Variants in LRRC61 observed in about 807,000 individuals in gnomAD.
LRRC61 encodes leucine rich repeat containing 61.
A neutral mutation model predicts 15.1 loss-of-function variants in LRRC61; 9 were observed. The observed-to-expected ratio is 0.60, with a 90% confidence interval of 0.36 to 1.04. LRRC61 has a LOEUF of 1.04. Ranked by LOEUF, LRRC61 falls within the 50% of genes least tolerant of loss-of-function variation. The pLI is 0.01. For synonymous variants in LRRC61, 173 were observed against 158.6 expected (o/e 1.09, Z -0.68); for missense variants, 344 against 335.6 (o/e 1.03, Z -0.20).
In LRRC61 at chr7:150,336,962, T is replaced by C; in HGVS notation, c.101T>C (p.Leu34Pro). Residue 34 changes from leucine to proline, a missense_variant, in exon 3 of 3, where the codon CTG (leucine) becomes CCG (proline). Leu to Pro is a moderately conservative substitution (Grantham distance 98, BLOSUM62 -3). Transcript: ENST00000359623. ...RTGEFSLESILLLKLRGLGLA... is the reference protein window; with the variant it reads ...RTGEFSLESIPLLKLRGLGLA... ...GGCGAGTTCTCCCTGGAGTCCATCC[T>C]GCTACTGAAGCTGCGTGGCTTGGGA... 4 of 1,614,022 alleles carry C rather than the reference T, an allele frequency of 2.5e-6. No homozygotes were observed. Among genetic ancestry groups the C allele is most frequent in the Non-Finnish European group, 3.4e-6 (4 of 1,180,044 alleles).
In LRRC61 at chr7:150,336,727, G is replaced by A. The variant is rs907659812; in HGVS notation, c.-135G>A. ...GACTGTCTCTCCTCAGGGACTGGCT[G>A]GCTTCGAGCAGGGCATCGGAACCAG... is the stretch of plus-strand genomic sequence containing the variant. On this transcript the variant is annotated 5_prime_UTR_variant, in exon 3 of 3. Coordinates refer to ENST00000359623, the MANE Select transcript of LRRC61 (RefSeq NM_001142928.2). 4 of 1,203,606 alleles carry A rather than the reference G, an allele frequency of 3.3e-6. No homozygotes were observed. Among genetic ancestry groups the A allele is most frequent in the African/African-American group, 1.5e-5 (1 of 65,590 alleles). 74.6% of individuals were successfully genotyped at this position (1,203,606 alleles called of 1,614,324 possible). A position where few individuals can be genotyped will look rare whatever the true frequency, so the allele number is the denominator to read the frequency against.
chr7:150,319,386 T>A (rs147863703), upstream of LRRC61, among the ~76,000 whole-genome samples: 2,448 of 152,290 alleles, frequency 0.016, 26 homozygotes, highest in Non-Finnish European at 0.027. Flanking sequence ...TTTGTATTTT[T>A]AGTAGAAACG....
At chr7:150,331,189 C>T in intron 2 of LRRC61, 1 of 1,442,746 alleles carries the variant, frequency 6.9e-7, no homozygotes, top group Non-Finnish European at 9.3e-7. Flanking sequence ...AGCCATTGAG[C>T]ATCTCCTCTT....
Position 150,336,726 on chromosome 7 carries a change from T to C in LRRC61, c.-136T>C, listed in dbSNP as rs146315200. On this transcript the variant is annotated 5_prime_UTR_variant, in exon 3 of 3. Transcript: ENST00000359623. The stretch of plus-strand genomic sequence containing the variant: ...TGACTGTCTCTCCTCAGGGACTGGC[T>C]GGCTTCGAGCAGGGCATCGGAACCA... 1 of 1,199,322 alleles carries C rather than the reference T, an allele frequency of 8.3e-7. No homozygotes were observed. Among genetic ancestry groups the C allele is most frequent in the Non-Finnish European group, 1.2e-6 (1 of 862,572 alleles). 74.3% of individuals were successfully genotyped at this position (1,199,322 alleles called of 1,614,324 possible).
chr7:150,320,712 G>A (rs529175239), upstream of LRRC61, among the ~76,000 whole-genome samples: 2 of 152,284 alleles, frequency 1.3e-5, no homozygotes, highest in East Asian at 1.9e-4. Flanking sequence ...GCAGTGAGCC[G>A]AGATGGTGGC....
rs1798331721 is a variant in LRRC61, at chr7:150,337,196, CG to C, written c.338del (p.Gly113AlafsTer45). On this transcript the variant is annotated frameshift_variant, in exon 3 of 3. Transcript: ENST00000359623. LOFTEE classifies it high-confidence loss of function. ...LNAAGNLLAT[P>X]GQLQCLAGLP... Reference sequence around the variant, plus strand: ...GCCGCAGGCAACCTACTGGCCACCCCGGGCCAGCTGCAGTGTCTGGCTGGGC... The same window carrying C: ...GCCGCAGGCAACCTACTGGCCACCCCGGCCAGCTGCAGTGTCTGGCTGGGC... 6.2e-7 allele frequency: 1 copy of C among 1,606,802 alleles called. No individual in the cohort carries two copies. The highest frequency in any genetic ancestry group is 1.7e-5 in the Admixed American group (1 of 60,008).
the LRRC61 span, among the ~76,000 whole-genome samples, chr7:150,309,545 C>G: frequency 6.6e-6 from 1 of 152,168 alleles, no homozygotes; most frequent in Admixed American, 6.5e-5. Flanking sequence ...CCCAGCCATG[C>G]CTTCAGCACA....
chr7:150,321,664 C>G (rs919815855), upstream of LRRC61, among the ~76,000 whole-genome samples: 1 of 152,152 alleles, frequency 6.6e-6, no homozygotes, highest in Non-Finnish European at 1.5e-5. Flanking sequence ...CGCTTGAACT[C>G]AGGAGGTGGA....
chr7:150,333,926 A>G lies in LRRC61; in HGVS notation c.-144-2792A>G. On this transcript the variant is annotated intron_variant, in intron 2 of 2. Coordinates refer to ENST00000359623, the MANE Select transcript of LRRC61 (RefSeq NM_001142928.2). The surrounding 1 kb of genome is among the most constrained non-coding windows in gnomAD (Gnocchi z 4.3). ...GAGGTCACTGACCCCCAAGAGAATG[A>G]GGGTTATGCACGACCCATCACCAAG... The G allele has an allele frequency of 1.0e-6, 1 of 985,038 alleles. No individual in the cohort carries two copies. The highest frequency in any genetic ancestry group is 1.7e-5 in the African/African-American group (1 of 57,182). The allele number at this position is 985,038 out of a possible 1,614,324, so 61.0% of individuals were successfully genotyped here. A position where few individuals can be genotyped will look rare whatever the true frequency, so the allele number is the denominator to read the frequency against.
At chr7:150,336,645 G>A in intron 2 of LRRC61, 73 bp from the exon 3 acceptor site, 1 of 620,034 alleles carries the variant, frequency 1.6e-6, no homozygotes, top group Non-Finnish European at 2.8e-6. Context: ...TAAAAGCAGG[G>A]TCAGACTCCC....
chr7:150,331,328 C>G (rs1248707267), intron 2 of LRRC61: 1 of 532,832 alleles, frequency 1.9e-6, no homozygotes, highest in African/African-American at 1.9e-5. Context: ...ATGGCAGGTG[C>G]CGGTGCTCAC....
At chr7:150,314,274 A>C in the LRRC61 span, among the ~76,000 whole-genome samples, 1 of 152,196 alleles carries the variant, frequency 6.6e-6, no homozygotes, top group African/African-American at 2.4e-5. Flanking sequence ...CCTGGATTTA[A>C]CCTAGAAGCT....
In LRRC61 at chr7:150,337,472, A is replaced by G; in HGVS notation, c.611A>G (p.Tyr204Cys). 6.2e-7 allele frequency: 1 copy of G among 1,603,394 alleles called. No homozygotes were observed. Among genetic ancestry groups the G allele is most frequent in the Non-Finnish European group, 8.5e-7 (1 of 1,179,592 alleles). ...GCCCAGCCCTGGGTGGAGCCAGGCT[A>G]CTGGGAGTCCTGGCCCAGCCGGAGC... ...TEAQPWVEPG[Y>C]WESWPSRSSS... The change falls in exon 3 of 3, where the codon TAC (tyrosine) becomes TGC (cysteine). Residue 204 changes from tyrosine (Y) to cysteine (C), a missense_variant. Coordinates refer to ENST00000359623, the MANE Select transcript of LRRC61 (RefSeq NM_001142928.2).
rs58391879 is a variant in LRRC61 at position 150,335,030 on chromosome 7, CAA to C, written c.-144-1671_-144-1670del. On this transcript the variant is annotated intron_variant, in intron 2 of 2. Coordinates refer to ENST00000359623, the MANE Select transcript of LRRC61 (RefSeq NM_001142928.2). This position sits in a 1 kb window ranked among gnomAD's most constrained non-coding sequence, Gnocchi z 4.3. The stretch of plus-strand genomic sequence containing the variant: ...GGGCAACAAGAGTGAAACTCTGTCT[CAA>C]AAAAAAAAAAAAAAAAGAAAAAAAG... 5.4e-4 allele frequency among the ~76,000 whole-genome samples: 55 copies of C among 102,286 alleles called. No individual in the cohort carries two copies. Among genetic ancestry groups the C allele is most frequent in the Non-Finnish European group, 7.8e-4 (38 of 49,002 alleles). 67.1% of individuals were successfully genotyped at this position (102,286 alleles called of 152,430 possible).
the LRRC61 span, among the ~76,000 whole-genome samples, chr7:150,314,783 A>C: frequency 6.7e-6 from 1 of 149,198 alleles, no homozygotes; most frequent in Admixed American, 6.7e-5. Context: ...AAAAAAAAAA[A>C]AAAACAACAA....
rs1390223331 is a variant in LRRC61, at chr7:150,330,160, CTG to C, written c.-145+4153_-145+4154del. ...GCCACCTGCAGCCATTTCTAAGGCT[CTG>C]TGGAGGCCCAGGGACTCCTCACCCA... is the stretch of plus-strand genomic sequence containing the variant. On this transcript the variant is annotated intron_variant, in intron 2 of 2. Coordinates refer to ENST00000359623, the MANE Select transcript of LRRC61 (RefSeq NM_001142928.2). This position sits in a 1 kb window ranked among gnomAD's most constrained non-coding sequence, Gnocchi z 4.6. 1.8e-6 allele frequency: 1 copy of C among 570,154 alleles called. No individual in the cohort carries two copies. The highest frequency in any genetic ancestry group is 3.1e-6 in the Non-Finnish European group (1 of 320,726). 35.3% of individuals were successfully genotyped at this position (570,154 alleles called of 1,614,324 possible). A position where few individuals can be genotyped will look rare whatever the true frequency, so the allele number is the denominator to read the frequency against.
upstream of LRRC61, chr7:150,322,820 T>C (rs1277627734): frequency 6.6e-6 from 1 of 152,256 alleles, no homozygotes; most frequent in Non-Finnish European, 1.5e-5. Flanking sequence ...CGGGACCCCT[T>C]TCTGATAACA....
Position 150,337,607 on chromosome 7 carries a change from G to A in LRRC61, c.746G>A (p.Ser249Asn), listed in dbSNP as rs775620965. ...CTGGCCCAGGCGGAGCAGGTACTCA[G>A]CTCTGCGGGCCCCACCTCTTCCTTC... The part of the protein sequence containing the change: ...DSLAQAEQVL[S>N]SAGPTSSFVF Residue 249 changes from serine to asparagine, a missense_variant, in exon 3 of 3, where the codon AGC becomes AAC. Ser to Asn is a conservative substitution (Grantham distance 46). Coordinates refer to ENST00000359623, the MANE Select transcript of LRRC61 (RefSeq NM_001142928.2). 12 of 1,545,026 alleles carry A rather than the reference G, an allele frequency of 7.8e-6. No homozygotes were observed. The highest frequency in any genetic ancestry group is 1.0e-5 in the Non-Finnish European group (12 of 1,148,334).
At chr7:150,324,576 C>A (rs1425363853) in intron 1 of LRRC61, among the ~76,000 whole-genome samples, 1 of 152,190 alleles carries the variant, frequency 6.6e-6, no homozygotes, top group African/African-American at 2.4e-5. Flanking sequence ...CAGGCATAAG[C>A]TGCCTCACTT....
Sources: gnomAD v4.1 joint callset for allele counts (sites outside exome capture counted in the v4.1 genomes callset) on GRCh38, gnomAD v4.1.1 for gene constraint, Gnocchi (gnomAD v3.1) non-coding constraint, MANE v1.5 for transcripts, NCBI Gene and HGNC (gene_info 2026-07-23, HGNC 2026-07-21) for gene names.